The following WWOX variants were observed in gnomAD, a reference collection of about 807,000 sequenced individuals.
The protein encoded by WWOX is WW domain-containing oxidoreductase.
Under a neutral mutation model 46.2 loss-of-function variants are expected in WWOX, and 69 were observed. The ratio of observed to expected loss-of-function variants is 1.49; its 90% CI spans 1.23 to 1.82. The LOEUF is 1.82. Ranked by LOEUF, WWOX falls within the 40% of genes most tolerant of loss-of-function variation. WWOX has a pLI of 0.00. For synonymous variants in WWOX, 359 were observed against 202.6 expected, an observed-to-expected ratio of 1.77 and a Z score of -6.56; for missense variants, 919 against 542.6, an observed-to-expected ratio of 1.69 and a Z score of -6.89.
rs79111561 is a variant in WWOX at position 79,112,212 on chromosome 16, A to T, written c.1057-99396A>T. ...TCTTTGTAAGTATTATACATGCCAA[A>T]CAGACTCTTGGTTTGTGTCTACTGA... is the stretch of plus-strand genomic sequence containing the variant. On this transcript the variant is annotated intron_variant, in intron 8 of 8. Transcript: ENST00000566780. 5.6e-3 allele frequency among the ~76,000 whole-genome samples: 849 copies of T among 152,252 alleles called. 8 individuals are homozygous for T. The highest frequency in any genetic ancestry group is 0.019 in the African/African-American group (808 of 41,528).
chr16:78,371,467 T>C (rs2081684021), intron 5 of WWOX, among the ~76,000 whole-genome samples: 1 of 152,224 alleles, frequency 6.6e-6, no homozygotes, highest in Non-Finnish European at 1.5e-5. Flanking sequence ...GTAGCTCTTT[T>C]AGTTGGTTTA....
intron 8 of WWOX, among the ~76,000 whole-genome samples, chr16:79,028,657 G>C (rs2047693546): frequency 6.6e-6 from 1 of 151,540 alleles, no homozygotes; most frequent in African/African-American, 2.4e-5. Flanking sequence ...ACGCTTCAGT[G>C]CGTGTTTCTT....
intron 8 of WWOX, among the ~76,000 whole-genome samples, chr16:78,471,261 G>A (rs193239448): frequency 1.3e-5 from 2 of 152,316 alleles, no homozygotes; most frequent in Non-Finnish European, 2.9e-5. Context: ...TTCTTGAGCT[G>A]CTAATAAACA....
intron 8 of WWOX, among the ~76,000 whole-genome samples, chr16:78,776,637 A>C (rs1314609276): frequency 6.6e-6 from 1 of 152,140 alleles, no homozygotes; most frequent in Non-Finnish European, 1.5e-5. Flanking sequence ...ACACTGCTAT[A>C]AAAAACTGCC....
At chr16:78,894,540 G>A (rs1365173454) in intron 8 of WWOX, among the ~76,000 whole-genome samples, 1 of 152,208 alleles carries the variant, frequency 6.6e-6, no homozygotes, top group Non-Finnish European at 1.5e-5. Flanking sequence ...TGCTGCAGCT[G>A]TAATCCAGCC....
At chr16:78,408,888 C>A (rs974078844) in intron 6 of WWOX, among the ~76,000 whole-genome samples, 1 of 151,790 alleles carries the variant, frequency 6.6e-6, no homozygotes, top group Non-Finnish European at 1.5e-5. Flanking sequence ...GTGGGTAAGC[C>A]CTGGGTATAA....
intron 8 of WWOX, among the ~76,000 whole-genome samples, chr16:78,882,084 C>T (rs980781935): frequency 1.3e-5 from 2 of 152,192 alleles, no homozygotes; most frequent in African/African-American, 2.4e-5. Flanking sequence ...CGAGATCACA[C>T]CACTACATTC....
intron 8 of WWOX, among the ~76,000 whole-genome samples, chr16:78,876,852 G>T (rs947437702): frequency 6.6e-6 from 1 of 152,122 alleles, no homozygotes; most frequent in African/African-American, 2.4e-5. Context: ...AAACCCAGTG[G>T]AACGCTCTTT....
intron 8 of WWOX, among the ~76,000 whole-genome samples, chr16:78,999,194 G>T (rs576916684): frequency 6.6e-6 from 1 of 151,804 alleles, no homozygotes; most frequent in East Asian, 1.9e-4. Flanking sequence ...GCATCAGCCA[G>T]GGGCAGCGGG....
intron 8 of WWOX, among the ~76,000 whole-genome samples, chr16:78,971,555 C>A (rs1206618808): frequency 6.6e-6 from 1 of 151,796 alleles, no homozygotes; most frequent in East Asian, 1.9e-4. Flanking sequence ...CTAATGGATC[C>A]CTGACGGGTC....
chr16:78,647,403 C>G (rs2046868879), intron 8 of WWOX, among the ~76,000 whole-genome samples: 1 of 152,162 alleles, frequency 6.6e-6, no homozygotes, highest in South Asian at 2.1e-4. Flanking sequence ...TTCTGTGGGT[C>G]TCCAGGTTTC....
At chr16:78,891,604 G>C (rs559276437) in intron 8 of WWOX, 1 of 152,134 alleles carries the variant, frequency 6.6e-6, no homozygotes, top group African/African-American at 2.4e-5. Context: ...ATTAATGTGA[G>C]AACACCTTCA....
chr16:78,814,372 T>G (rs984409537), intron 8 of WWOX, among the ~76,000 whole-genome samples: 4 of 152,164 alleles, frequency 2.6e-5, no homozygotes, highest in Admixed American at 2.6e-4. Flanking sequence ...TCAAATCATA[T>G]TCAAAAAATA....
chr16:78,452,475 C>CTTTTTTTTTTTTTT (rs397945707), intron 8 of WWOX, among the ~76,000 whole-genome samples: 2 of 126,076 alleles, frequency 1.6e-5, no homozygotes, highest in African/African-American at 3.1e-5. Context: ...CTCTCTCTCT[C>CTTTTTTTTTTTTTT]TTTTTTTTTT....
intron 8 of WWOX, among the ~76,000 whole-genome samples, chr16:79,197,474 C>T (rs1412648452): frequency 6.6e-6 from 1 of 152,048 alleles, no homozygotes; most frequent in Non-Finnish European, 1.5e-5. Context: ...CACTGCCCCC[C>T]TCCAGTGAGC....
intron 8 of WWOX, among the ~76,000 whole-genome samples, chr16:79,078,969 C>A (rs568828786): frequency 2.9e-4 from 44 of 152,232 alleles, no homozygotes; most frequent in Admixed American, 2.8e-3. Context: ...GTTATTTTTC[C>A]CCCCAAATTT....
chr16:78,174,854 G>T (rs754093952), intron 5 of WWOX, among the ~76,000 whole-genome samples: 1 of 152,084 alleles, frequency 6.6e-6, no homozygotes, highest in Admixed American at 6.5e-5. Flanking sequence ...TGGGTGTGGC[G>T]GCATGCGCCT....
At chr16:78,722,422 G>A (rs1040041224) in intron 8 of WWOX, among the ~76,000 whole-genome samples, 1 of 152,158 alleles carries the variant, frequency 6.6e-6, no homozygotes, top group Admixed American at 6.6e-5. Context: ...AAAAGTGACC[G>A]TATGAAATGA....
chr16:78,483,696 C>G (rs1037891807), intron 8 of WWOX, among the ~76,000 whole-genome samples: 5 of 152,130 alleles, frequency 3.3e-5, no homozygotes, highest in African/African-American at 1.2e-4. Context: ...AATGTGTGGC[C>G]AATCTCACAA....
Sources: allele counts gnomAD v4.1 joint callset (sites outside exome capture counted in the v4.1 genomes callset), GRCh38; gene constraint gnomAD v4.1.1; transcripts MANE v1.5; gene names NCBI Gene and HGNC (gene_info 2026-07-23, HGNC 2026-07-21).